Variants in HSD17B4 observed in about 807,000 individuals in gnomAD.
The protein encoded by HSD17B4 is hydroxysteroid 17-beta dehydrogenase 4, also known as peroxisomal multifunctional enzyme type 2.
Under a neutral mutation model 101.0 loss-of-function variants are expected in HSD17B4, and 70 were observed. The ratio of observed to expected loss-of-function variants is 0.69; its 90% CI spans 0.57 to 0.85. The LOEUF is 0.85. HSD17B4 is among the 40% of genes least tolerant of loss of function. The pLI is 0.00. For missense variants in HSD17B4, 984 were observed against 892.4 expected, an observed-to-expected ratio of 1.10 and a Z score of -1.31; for synonymous variants, 347 against 297.1, an observed-to-expected ratio of 1.17 and a Z score of -1.73.
intron 17 of HSD17B4, among the ~76,000 whole-genome samples, chr5:119,517,969 G>A (rs1381019964): frequency 6.6e-5 from 10 of 152,156 alleles, no homozygotes; most frequent in Non-Finnish European, 1.5e-4. Context: ...TTTATGTCTA[G>A]CTCAGGGATT....
intron 21 of HSD17B4, chr5:119,530,228 GAATA>G (rs1193560596): frequency 4.1e-5 from 18 of 442,550 alleles, no homozygotes; most frequent in African/African-American, 2.8e-4. Flanking sequence ...TCTAGTTTTA[GAATA>G]AATAAATCAG....
Position 119,452,731 on chromosome 5 carries a change from C to T in HSD17B4, c.58+98C>T, listed in dbSNP as rs755334209. 2.3e-5 allele frequency: 37 copies of T among 1,602,490 alleles called. No homozygotes were observed. The African/African-American group carries it at 3.9e-4, about 17-fold the overall frequency. The stretch of plus-strand genomic sequence containing the variant: ...GCGCGCAGCCGCAGCTGAGGTCACC[C>T]CGCTGAGGTGGTGGGGAGGGGAATG... On this transcript the variant is annotated intron_variant, in intron 1 of 23. Coordinates refer to ENST00000510025, the MANE Select transcript of HSD17B4 (RefSeq NM_000414.4).
chr5:119,463,332 T>C (rs376736257), intron 2 of HSD17B4, among the ~76,000 whole-genome samples: 4 of 152,212 alleles, frequency 2.6e-5, no homozygotes, highest in Non-Finnish European at 5.9e-5. Flanking sequence ...TGCAGATACC[T>C]CTTTGACATA....
intron 11 of HSD17B4, among the ~76,000 whole-genome samples, chr5:119,494,240 T>A (rs565830867): frequency 8.5e-5 from 13 of 152,208 alleles, no homozygotes; most frequent in Non-Finnish European, 1.6e-4. Flanking sequence ...ACATCCTCAC[T>A]GATGGTTGGT....
chr5:119,496,499 T>C (rs781086493), intron 11 of HSD17B4, 44 bp from the exon 12 acceptor site: 2 of 1,046,558 alleles, frequency 1.9e-6, no homozygotes, highest in Admixed American at 3.4e-5. Context: ...TAGTCACATC[T>C]TTAACAAAGC....
intron 2 of HSD17B4, among the ~76,000 whole-genome samples, chr5:119,464,195 A>C (rs944677104): frequency 1.3e-5 from 2 of 152,034 alleles, no homozygotes; most frequent in Non-Finnish European, 2.9e-5. Context: ...AGTTTGATCT[A>C]GTCCCATTTG....
intron 8 of HSD17B4, among the ~76,000 whole-genome samples, chr5:119,481,785 GC>G (rs777340089): frequency 1.3e-5 from 2 of 152,260 alleles, no homozygotes; most frequent in Admixed American, 6.5e-5. Context: ...TATTTGCATA[GC>G]ATGATAAAGT....
chr5:119,517,688 G>T (rs1290310930), intron 17 of HSD17B4, among the ~76,000 whole-genome samples: 1 of 152,244 alleles, frequency 6.6e-6, no homozygotes, highest in East Asian at 1.9e-4. Flanking sequence ...CTAGCTCAGG[G>T]TTTGTGAATG....
intron 13 of HSD17B4, among the ~76,000 whole-genome samples, chr5:119,501,566 A>G (rs1345574539): frequency 6.6e-6 from 1 of 152,042 alleles, no homozygotes; most frequent in Admixed American, 6.6e-5. Flanking sequence ...ATTCACATTG[A>G]CAGTGCTTTC....
At chr5:119,486,692 A>G (rs1561452139) in intron 8 of HSD17B4, among the ~76,000 whole-genome samples, 1 of 152,160 alleles carries the variant, frequency 6.6e-6, no homozygotes, top group Non-Finnish European at 1.5e-5. Flanking sequence ...TAATGAACAT[A>G]TCGGTTGCTT....
intron 20 of HSD17B4, among the ~76,000 whole-genome samples, chr5:119,529,327 C>T (rs1390233281): frequency 6.6e-6 from 1 of 152,138 alleles, no homozygotes; most frequent in African/African-American, 2.4e-5. Context: ...CCTATTTAGA[C>T]ATTTAGTTCA....
intron 16 of HSD17B4, among the ~76,000 whole-genome samples, chr5:119,512,623 T>G (rs1301627468): frequency 1.3e-5 from 2 of 151,904 alleles, no homozygotes; most frequent in East Asian, 1.9e-4. Flanking sequence ...ATGAGCTTTC[T>G]AAAATAAATA....
At chr5:119,507,030 T>C in intron 15 of HSD17B4, 141 bp downstream of exon 15, 1 of 544,192 alleles carries the variant, frequency 1.8e-6, no homozygotes, top group South Asian at 2.1e-5. Flanking sequence ...ATTTTTAAAC[T>C]CTTTAAGAAA....
intron 16 of HSD17B4, among the ~76,000 whole-genome samples, chr5:119,511,381 A>G (rs1472453456): frequency 1.3e-5 from 2 of 152,242 alleles, no homozygotes; most frequent in African/African-American, 4.8e-5. Context: ...AACCAGGGAA[A>G]GAGATAGCTA....
intron 8 of HSD17B4, among the ~76,000 whole-genome samples, chr5:119,481,814 G>A (rs1454137763): frequency 1.3e-5 from 2 of 152,112 alleles, no homozygotes; most frequent in Admixed American, 6.6e-5. Context: ...AATAAAATGA[G>A]ATATGCCTGT....
chr5:119,532,539 G>A (rs1754205117), intron 22 of HSD17B4, among the ~76,000 whole-genome samples: 1 of 151,970 alleles, frequency 6.6e-6, no homozygotes, highest in Non-Finnish European at 1.5e-5. Flanking sequence ...TATGGATAGT[G>A]ATGTTTATTT....
At chr5:119,523,963 T>A (rs491526) in intron 17 of HSD17B4, among the ~76,000 whole-genome samples, 8,885 of 152,196 alleles carry the variant, frequency 0.058, 267 homozygotes, top group Middle Eastern at 0.11. Flanking sequence ...TGTTTGATAA[T>A]TTCCTGTCAC....
intron 6 of HSD17B4, among the ~76,000 whole-genome samples, chr5:119,477,183 C>T (rs1443847283): frequency 1.3e-5 from 2 of 152,000 alleles, no homozygotes; most frequent in African/African-American, 4.8e-5. Context: ...TGTGTATAGG[C>T]ATTACATTAA....
chr5:119,522,500 G>T (rs1753209714), intron 17 of HSD17B4, among the ~76,000 whole-genome samples: 1 of 152,082 alleles, frequency 6.6e-6, no homozygotes, highest in Non-Finnish European at 1.5e-5. Flanking sequence ...GATCCCTGAG[G>T]AATTGCAATT....
Sources: gnomAD v4.1 joint callset for allele counts (sites outside exome capture counted in the v4.1 genomes callset) on GRCh38, gnomAD v4.1.1 for gene constraint, MANE v1.5 for transcripts, NCBI Gene and HGNC (gene_info 2026-07-23, HGNC 2026-07-21) for gene names.